Variants in EPHB3 observed in about 807,000 individuals in gnomAD.
EPHB3 encodes the protein ephrin type-B receptor 3.
Under a neutral mutation model 100.2 loss-of-function variants are expected in EPHB3, and 33 were observed. The ratio of observed to expected loss-of-function variants is 0.33; its 90% CI spans 0.25 to 0.44. The LOEUF is 0.44. Among genes scored for constraint, EPHB3 ranks in the 20% least tolerant of loss-of-function variants. EPHB3 has a pLI of 1.00. For synonymous variants in EPHB3, 526 were observed against 554.7 expected (o/e 0.95, Z 0.73); for missense variants, 1,045 against 1,378.3 (o/e 0.76, Z 3.83).
rs1364355086 is a variant in EPHB3 at position 184,581,735 on chromosome 3, G to GA, written c.*115dup. On this transcript the variant is annotated 3_prime_UTR_variant, in exon 16 of 16. Transcript: ENST00000330394. ...GCCTTAGGCTGTGGCCCAGAAGCTG[G>GA]AAGTTTGGGAAAGGCCCAAGCTGGG... is the stretch of plus-strand genomic sequence containing the variant. The GA allele has an allele frequency of 2.7e-6, 3 of 1,121,692 alleles. No homozygotes were observed. The highest frequency in any genetic ancestry group is 3.7e-6 in the Non-Finnish European group (3 of 806,516). The allele number at this position is 1,121,692 out of a possible 1,614,324, so 69.5% of individuals were successfully genotyped here.
chr3:184,568,180 G>A (rs1462768098), intron 1 of EPHB3, among the ~76,000 whole-genome samples: 1 of 152,098 alleles, frequency 6.6e-6, no homozygotes, highest in Non-Finnish European at 1.5e-5. Flanking sequence ...TGCTCTCCAT[G>A]GCCCTGTGGA....
chr3:184,564,151 G>A lies in EPHB3; in HGVS notation c.118+1798G>A, dbSNP rs561467287. 2.0e-5 allele frequency among the ~76,000 whole-genome samples: 3 copies of A among 152,334 alleles called. No homozygotes were observed. The East Asian group carries it at 5.8e-4, about 29-fold the overall frequency. ...GAGTCCTGATGTGCTGGGGCGGCCC[G>A]GGAAGAGGGGGCAGCAGGACCTTTC... is the stretch of plus-strand genomic sequence containing the variant. On this transcript the variant is annotated intron_variant, in intron 1 of 15. Transcript: ENST00000330394.
chr3:184,571,240 C>A lies in EPHB3; in HGVS notation c.119-78C>A. The stretch of plus-strand genomic sequence containing the variant: ...AAGTGCTGGGATTACAGGTGTGAGC[C>A]ACTTCGCTCATCTGTGATCTCTTCT... On this transcript the variant is annotated intron_variant, in intron 1 of 15. Transcript: ENST00000330394. The surrounding 1 kb of genome is among the most constrained non-coding windows in gnomAD (Gnocchi z 5.0). The A allele has an allele frequency of 6.8e-7, 1 of 1,470,162 alleles. No individual in the cohort carries two copies. Among genetic ancestry groups the A allele is most frequent in the Non-Finnish European group, 9.5e-7 (1 of 1,051,790 alleles). The allele number at this position is 1,470,162 out of a possible 1,614,324, so 91.1% of individuals were successfully genotyped here.
rs1714746426 is a variant in EPHB3, at chr3:184,578,706, T to C, written c.1801+240T>C. On this transcript the variant is annotated intron_variant, in intron 9 of 15. Coordinates refer to ENST00000330394, the MANE Select transcript of EPHB3 (RefSeq NM_004443.4). The surrounding 1 kb of genome is among the most constrained non-coding windows in gnomAD (Gnocchi z 4.7). ...CTCTCCCCCTAAAGGCAGTTAGTCCTGTGGGAAAGACAAGATGCAAACACA... is the reference window on the plus strand; with the variant it reads ...CTCTCCCCCTAAAGGCAGTTAGTCCCGTGGGAAAGACAAGATGCAAACACA... Among the ~76,000 whole-genome samples the C allele has an allele frequency of 6.6e-6, 1 of 152,196 alleles. No homozygotes were observed. Among genetic ancestry groups the C allele is most frequent in the Admixed American group, 6.5e-5 (1 of 15,280 alleles).
At chr3:184,574,100 G>A (rs528650805) in intron 3 of EPHB3, among the ~76,000 whole-genome samples, 2 of 152,302 alleles carry the variant, frequency 1.3e-5, no homozygotes, top group South Asian at 2.1e-4. Context: ...TAGGGCTGTA[G>A]CGAGGCTTCT....
Position 184,571,241 on chromosome 3 carries a change from A to T in EPHB3, c.119-77A>T. The T allele has an allele frequency of 6.7e-7, 1 of 1,491,478 alleles. No individual in the cohort carries two copies. The highest frequency in any genetic ancestry group is 9.3e-7 in the Non-Finnish European group (1 of 1,070,810). The allele number at this position is 1,491,478 out of a possible 1,614,324, so 92.4% of individuals were successfully genotyped here. ...AGTGCTGGGATTACAGGTGTGAGCC[A>T]CTTCGCTCATCTGTGATCTCTTCTG... On this transcript the variant is annotated intron_variant, in intron 1 of 15. Coordinates refer to ENST00000330394, the MANE Select transcript of EPHB3 (RefSeq NM_004443.4). This position sits in a 1 kb window ranked among gnomAD's most constrained non-coding sequence, Gnocchi z 5.0.
intron 3 of EPHB3, chr3:184,575,211 TGTGG>T: frequency 1.0e-6 from 1 of 985,382 alleles, no homozygotes; most frequent in Non-Finnish European, 1.2e-6. Flanking sequence ...TGAGTCCCCT[TGTGG>T]ACACTTGAGG....
chr3:184,576,330 G>C (rs11721174), intron 4 of EPHB3, among the ~76,000 whole-genome samples: 54,662 of 152,086 alleles, frequency 0.36, 10,703 homozygotes, highest in African/African-American at 0.51. Context: ...TTGCCCCTCC[G>C]TCTGTATAGA....
chr3:184,577,596 G>A lies in EPHB3; in HGVS notation c.1480-62G>A, dbSNP rs1714709930. On this transcript the variant is annotated intron_variant, in intron 6 of 15. Coordinates refer to ENST00000330394, the MANE Select transcript of EPHB3 (RefSeq NM_004443.4). The surrounding 1 kb of genome is among the most constrained non-coding windows in gnomAD (Gnocchi z 4.9). The stretch of plus-strand genomic sequence containing the variant: ...GGGGGCATGTGGCAGGCCTGGGTGT[G>A]AATAGGGGCTGGTTGGCCTCAGGAC... 1.9e-6 allele frequency: 3 copies of A among 1,570,940 alleles called. No homozygotes were observed. The Admixed American group carries it at 5.2e-5, about 27-fold the overall frequency.
intron 1 of EPHB3, among the ~76,000 whole-genome samples, chr3:184,568,115 C>T (rs573814821): frequency 1.5e-4 from 23 of 152,216 alleles, no homozygotes; most frequent in Non-Finnish European, 1.0e-4. Flanking sequence ...GGATGCTGCG[C>T]GTGCATCTGT....
At position 184,571,236 on chromosome 3, in the gene EPHB3, G is replaced by A. The variant is rs1456721083; in HGVS notation, c.119-82G>A. 1.4e-6 allele frequency: 2 copies of A among 1,442,174 alleles called. No individual in the cohort carries two copies. Among genetic ancestry groups the A allele is most frequent in the Non-Finnish European group, 1.9e-6 (2 of 1,026,980 alleles). The allele number at this position is 1,442,174 out of a possible 1,614,324, so 89.3% of individuals were successfully genotyped here. On this transcript the variant is annotated intron_variant, in intron 1 of 15. Transcript: ENST00000330394. The surrounding 1 kb of genome is among the most constrained non-coding windows in gnomAD (Gnocchi z 5.0). ...CCCAAAGTGCTGGGATTACAGGTGT[G>A]AGCCACTTCGCTCATCTGTGATCTC...
chr3:184,572,744 G>T lies in EPHB3; in HGVS notation c.424G>T (p.Ala142Ser). The T allele has an allele frequency of 6.2e-7, 1 of 1,612,782 alleles. No individual in the cohort carries two copies. The highest frequency in any genetic ancestry group is 8.5e-7 in the Non-Finnish European group (1 of 1,179,686). ...CTACTACGAGGCTGACAGCGATGTG[G>T]CCTCAGCCTCCTCCCCCTTCTGGAT... ...LFYYEADSDV[A>S]SASSPFWMEN... Residue 142 changes from alanine to serine, a missense_variant, in exon 3 of 16, where the codon GCC becomes TCC. By Grantham distance (99) the Ala-to-Ser change is moderately conservative (BLOSUM62 1). Transcript: ENST00000330394. The surrounding 1 kb of genome is among the most constrained non-coding windows in gnomAD (Gnocchi z 6.6).
chr3:184,562,483 G>C lies in EPHB3; in HGVS notation c.118+130G>C, dbSNP rs1714282102. 8.9e-7 allele frequency: 1 copy of C among 1,122,658 alleles called. No homozygotes were observed. The highest frequency in any genetic ancestry group is 1.7e-5 in the African/African-American group (1 of 60,536). The allele number at this position is 1,122,658 out of a possible 1,614,324, so 69.5% of individuals were successfully genotyped here. ...CCCCGCCACCGGCGCCCGCTCCGGG[G>C]CCCAGGGATGGGGTGGGGAGGCCGC... On this transcript the variant is annotated intron_variant, in intron 1 of 15. Coordinates refer to ENST00000330394, the MANE Select transcript of EPHB3 (RefSeq NM_004443.4). The surrounding 1 kb of genome is among the most constrained non-coding windows in gnomAD (Gnocchi z 4.8).
intron 1 of EPHB3, among the ~76,000 whole-genome samples, chr3:184,568,325 G>A (rs1714446788): frequency 6.6e-6 from 1 of 152,162 alleles, no homozygotes; most frequent in African/African-American, 2.4e-5. Flanking sequence ...CAGTGTCTAG[G>A]GTGGCCAGCC....
chr3:184,571,230 A>T lies in EPHB3; in HGVS notation c.119-88A>T. The T allele has an allele frequency of 7.4e-7, 1 of 1,353,554 alleles. No homozygotes were observed. 83.8% of individuals were successfully genotyped at this position (1,353,554 alleles called of 1,614,324 possible). On this transcript the variant is annotated intron_variant, in intron 1 of 15. Transcript: ENST00000330394. This position sits in a 1 kb window ranked among gnomAD's most constrained non-coding sequence, Gnocchi z 5.0. ...CAGACTCCCAAAGTGCTGGGATTACAGGTGTGAGCCACTTCGCTCATCTGT... is the reference window on the plus strand; with the variant it reads ...CAGACTCCCAAAGTGCTGGGATTACTGGTGTGAGCCACTTCGCTCATCTGT...
chr3:184,568,201 A>C (rs1280829912), intron 1 of EPHB3, among the ~76,000 whole-genome samples: 1 of 152,086 alleles, frequency 6.6e-6, no homozygotes, highest in Non-Finnish European at 1.5e-5. Flanking sequence ...AACCTGAAAG[A>C]GGTATTGCTT....
intron 4 of EPHB3, 118 bp downstream of exon 4, chr3:184,576,103 A>G: frequency 7.2e-7 from 1 of 1,380,190 alleles, no homozygotes; most frequent in Non-Finnish European, 9.7e-7. Flanking sequence ...GCTGAGGCTC[A>G]GGGAAGTTAG....
In EPHB3 at chr3:184,565,088, TG is replaced by T. The variant is rs902519392; in HGVS notation, c.118+2740del. 7.0e-4 allele frequency among the ~76,000 whole-genome samples: 106 copies of T among 152,162 alleles called. No homozygotes were observed. Among genetic ancestry groups the T allele is most frequent in the Non-Finnish European group, 1.4e-3 (93 of 67,992 alleles). On this transcript the variant is annotated intron_variant, in intron 1 of 15. Transcript: ENST00000330394. The surrounding 1 kb of genome is among the most constrained non-coding windows in gnomAD (Gnocchi z 4.8). ...GGTTCCTCTTCCCTTCCTGCACACT[TG>T]GGGGTCACCAAGACTCTGCATCCAA... is the stretch of plus-strand genomic sequence containing the variant.
chr3:184,581,444 G>A (rs745594840), intron 15 of EPHB3, 36 bp downstream of exon 15: 1 of 1,586,738 alleles, frequency 6.3e-7, no homozygotes, highest in South Asian at 1.2e-5. Flanking sequence ...GCAGGGCAGG[G>A]GGCCCTAGGC....
Sources: allele counts gnomAD v4.1 joint callset (sites outside exome capture counted in the v4.1 genomes callset), GRCh38; gene constraint gnomAD v4.1.1; non-coding constraint Gnocchi (gnomAD v3.1); transcripts MANE v1.5; gene names NCBI Gene and HGNC (gene_info 2026-07-23, HGNC 2026-07-21).